The following AGBL4 variants were observed in gnomAD, a reference collection of about 807,000 sequenced individuals.
AGBL4 encodes the protein AGBL carboxypeptidase 4.
A neutral mutation model predicts 66.4 loss-of-function variants in AGBL4; 58 were observed. That is an observed-to-expected ratio of 0.87 (90% CI 0.71 to 1.09). The LOEUF is 1.09. Ranked by LOEUF, AGBL4 falls within the 50% of genes least tolerant of loss-of-function variation. The pLI is 0.00. For missense variants in AGBL4, 579 were observed against 631.0 expected, an observed-to-expected ratio of 0.92 and a Z score of 0.88; for synonymous variants, 234 against 222.9, an observed-to-expected ratio of 1.05 and a Z score of -0.44.
intron 1 of AGBL4, among the ~76,000 whole-genome samples, chr1:49,947,006 G>A (rs575318381): frequency 9.2e-4 from 140 of 151,734 alleles, no homozygotes; most frequent in South Asian, 2.1e-3. Context: ...CTTAAATCAC[G>A]AAGAATTAGA....
At chr1:49,570,043 C>G (rs1010843584) in intron 3 of AGBL4, among the ~76,000 whole-genome samples, 3 of 152,114 alleles carry the variant, frequency 2.0e-5, no homozygotes, top group Admixed American at 2.0e-4. Context: ...GTGATAAGCA[C>G]ACAAGTGCAG....
At chr1:48,793,967 TG>T (rs1223311543) in intron 6 of AGBL4, among the ~76,000 whole-genome samples, 1 of 152,172 alleles carries the variant, frequency 6.6e-6, no homozygotes, top group Non-Finnish European at 1.5e-5. Context: ...ACCCTTGTGC[TG>T]GGAGCCAGGG....
At chr1:49,381,040 C>G (rs1644593800) in intron 3 of AGBL4, among the ~76,000 whole-genome samples, 1 of 152,120 alleles carries the variant, frequency 6.6e-6, no homozygotes. Context: ...AAAGAAACTA[C>G]CATCAGAGTG....
At chr1:49,238,252 T>A (rs1395865837) in intron 4 of AGBL4, among the ~76,000 whole-genome samples, 1 of 152,232 alleles carries the variant, frequency 6.6e-6, no homozygotes, top group Non-Finnish European at 1.5e-5. Flanking sequence ...TCATCCATTT[T>A]AAACATTTAT....
At chr1:49,910,491 A>G (rs1650704631) in intron 1 of AGBL4, among the ~76,000 whole-genome samples, 1 of 152,114 alleles carries the variant, frequency 6.6e-6, no homozygotes, top group Non-Finnish European at 1.5e-5. Context: ...TTTTGGGGGA[A>G]GTTTTGCTGT....
chr1:49,873,646 T>C (rs1646893847), intron 1 of AGBL4, among the ~76,000 whole-genome samples: 1 of 152,068 alleles, frequency 6.6e-6, no homozygotes, highest in African/African-American at 2.4e-5. Context: ...GCTCCTTTTC[T>C]CTTGCAACCT....
At chr1:48,567,534 G>A (rs1057201652) in intron 11 of AGBL4, among the ~76,000 whole-genome samples, 4 of 152,226 alleles carry the variant, frequency 2.6e-5, no homozygotes, top group Non-Finnish European at 5.9e-5. Flanking sequence ...CTCAGACACA[G>A]TGCTGCAGTC....
intron 6 of AGBL4, among the ~76,000 whole-genome samples, chr1:48,726,067 C>A (rs570070357): frequency 6.6e-6 from 1 of 152,318 alleles, no homozygotes; most frequent in East Asian, 1.9e-4. Context: ...GGTCAAGTGA[C>A]CTGCTTGGAA....
At chr1:49,167,826 T>C (rs1197933949) in intron 4 of AGBL4, among the ~76,000 whole-genome samples, 2 of 152,236 alleles carry the variant, frequency 1.3e-5, no homozygotes, top group Non-Finnish European at 2.9e-5. Context: ...CATGACCTTA[T>C]TGTACTTTAT....
chr1:49,823,940 G>C (rs917560650), intron 2 of AGBL4, among the ~76,000 whole-genome samples: 6 of 152,122 alleles, frequency 3.9e-5, no homozygotes, highest in African/African-American at 1.4e-4. Context: ...GCCAGGCACA[G>C]TGGCTCAAGC....
chr1:49,873,234 T>C (rs527482440), intron 1 of AGBL4, among the ~76,000 whole-genome samples: 56 of 152,144 alleles, frequency 3.7e-4, no homozygotes, highest in African/African-American at 1.3e-3. Flanking sequence ...CTTTTTTCTT[T>C]GTGGGTACAT....
chr1:49,061,767 T>C (rs1644406791), intron 4 of AGBL4, among the ~76,000 whole-genome samples: 1 of 152,166 alleles, frequency 6.6e-6, no homozygotes, highest in African/African-American at 2.4e-5. Flanking sequence ...AAAAAAGTCC[T>C]GGGGATAGAA....
chr1:49,001,515 T>C (rs535830565), intron 5 of AGBL4, among the ~76,000 whole-genome samples: 44 of 152,306 alleles, frequency 2.9e-4, no homozygotes, highest in Non-Finnish European at 5.7e-4. Flanking sequence ...TGCAGTGACC[T>C]GTGCTTCTCA....
downstream of AGBL4, among the ~76,000 whole-genome samples, chr1:48,532,270 A>G (rs1051631575): frequency 2.0e-5 from 3 of 152,174 alleles, no homozygotes; most frequent in African/African-American, 7.2e-5. Flanking sequence ...CTATTATAAC[A>G]AGGTAGATAT....
intron 3 of AGBL4, among the ~76,000 whole-genome samples, chr1:49,306,547 C>T (rs1644851891): frequency 6.6e-6 from 1 of 152,180 alleles, no homozygotes; most frequent in Non-Finnish European, 1.5e-5. Flanking sequence ...TCCCATTCAA[C>T]TATACTTTCT....
At chr1:49,474,102 C>G (rs2356397) in intron 3 of AGBL4, among the ~76,000 whole-genome samples, 144,651 of 152,114 alleles carry the variant, frequency 0.95, 69,164 homozygotes, top group East Asian at 1. Flanking sequence ...GGACTTCCTT[C>G]GCTATTTGGG....
At chr1:49,112,953 A>ATTTTTTTTTTTTTTTT (rs780520117) in intron 4 of AGBL4, among the ~76,000 whole-genome samples, 2 of 142,268 alleles carry the variant, frequency 1.4e-5, no homozygotes, top group African/African-American at 5.2e-5. Context: ...CTTCTTTTTA[A>ATTTTTTTTTTTTTTTT]TTTTTTTTTT....
chr1:49,322,809 C>T (rs1310572905), intron 3 of AGBL4, among the ~76,000 whole-genome samples: 1 of 152,132 alleles, frequency 6.6e-6, no homozygotes, highest in Admixed American at 6.5e-5. Flanking sequence ...TTTTAAGTCA[C>T]CTGGTTTGTA....
chr1:49,131,126 C>A (rs1009808097), intron 4 of AGBL4, among the ~76,000 whole-genome samples: 1 of 151,842 alleles, frequency 6.6e-6, no homozygotes, highest in Non-Finnish European at 1.5e-5. Flanking sequence ...CTGAAGAAAC[C>A]AGGCATGAAA....
Sources: allele counts gnomAD v4.1 joint callset (sites outside exome capture counted in the v4.1 genomes callset), GRCh38; gene constraint gnomAD v4.1.1; transcripts MANE v1.5; gene names NCBI Gene and HGNC (gene_info 2026-07-23, HGNC 2026-07-21).